Variants in TMPRSS11A observed in about 807,000 individuals in gnomAD.
The protein encoded by TMPRSS11A is transmembrane protease serine 11A.
Under a neutral mutation model 58.9 loss-of-function variants are expected in TMPRSS11A, and 53 were observed. The ratio of observed to expected loss-of-function variants is 0.90; its 90% CI spans 0.72 to 1.13. The LOEUF (loss-of-function observed/expected upper bound fraction) is 1.13, where lower values mean the gene tolerates loss of function less well. TMPRSS11A is among the 50% of genes most tolerant of loss of function. The probability of loss-of-function intolerance (pLI) is 0.00; values close to 1 mark genes in which losing one functional copy is unlikely to be tolerated. For synonymous variants in TMPRSS11A, 167 were observed against 169.8 expected, an observed-to-expected ratio of 0.98 and a Z score of 0.13; for missense variants, 493 against 499.3, an observed-to-expected ratio of 0.99 and a Z score of 0.12.
chr4:67,943,502 G>A (rs1382143985), intron 3 of TMPRSS11A, among the ~76,000 whole-genome samples: 1 of 152,120 alleles, frequency 6.6e-6, no homozygotes, highest in Non-Finnish European at 1.5e-5. Flanking sequence ...GAGTAGAGAA[G>A]GTATTTGGGT....
intron 3 of TMPRSS11A, 74 bp from the exon 4 acceptor site, chr4:67,932,134 T>A: frequency 1.2e-6 from 1 of 852,942 alleles, no homozygotes; most frequent in Non-Finnish European, 1.8e-6. Context: ...GATTAAATGT[T>A]AAAGCAATCA....
At chr4:67,949,355 G>T (rs1721101429) in intron 1 of TMPRSS11A, among the ~76,000 whole-genome samples, 1 of 152,164 alleles carries the variant, frequency 6.6e-6, no homozygotes, top group South Asian at 2.1e-4. Context: ...GAGCATCTGA[G>T]GGAAAATGGT....
rs531482712 is a variant in TMPRSS11A, at chr4:67,914,644, T to C, written c.1039A>G (p.Ile347Val). 1.8e-5 allele frequency: 29 copies of C among 1,613,730 alleles called. No homozygotes were observed. The highest frequency in any genetic ancestry group is 3.3e-4 in the Middle Eastern group (2 of 6,058). Residue 347 changes from isoleucine (I) to valine (V), a missense_variant, in exon 9 of 10, where the codon ATA (isoleucine) becomes GTA (valine). By Grantham distance (29) the Ile-to-Val change is conservative. Coordinates refer to ENST00000508048, the MANE Select transcript of TMPRSS11A (RefSeq NM_001114387.2). ...CCGGCACAGAACATTCCAGGTTTTA[T>C]ATCATTGCCATACACCTGTGGTTGC... Reference protein sequence around the residue: ...CKQPQVYGNDIKPGMFCAGYM... With the variant: ...CKQPQVYGNDVKPGMFCAGYM...
At chr4:67,936,142 T>G (rs1052200418) in intron 3 of TMPRSS11A, among the ~76,000 whole-genome samples, 4 of 152,120 alleles carry the variant, frequency 2.6e-5, no homozygotes, top group African/African-American at 7.2e-5. Flanking sequence ...AGGATGAGCA[T>G]GCAGGTAGGT....
At chr4:67,952,959 T>G (rs1721199380) in intron 1 of TMPRSS11A, among the ~76,000 whole-genome samples, 2 of 152,168 alleles carry the variant, frequency 1.3e-5, no homozygotes. Context: ...GGACTGGTTT[T>G]GTGGAAGACA....
At chr4:67,927,701 C>T (rs917623459) in intron 5 of TMPRSS11A, among the ~76,000 whole-genome samples, 3 of 152,190 alleles carry the variant, frequency 2.0e-5, no homozygotes, top group African/African-American at 2.4e-5. Flanking sequence ...AGCAACACCC[C>T]CTAGGCTCCC....
At chr4:67,917,638 A>C (rs899872549) in intron 8 of TMPRSS11A, among the ~76,000 whole-genome samples, 1 of 152,226 alleles carries the variant, frequency 6.6e-6, no homozygotes, top group South Asian at 2.1e-4. Flanking sequence ...TCACTCACCA[A>C]GAGAGGCCGT....
intron 1 of TMPRSS11A, among the ~76,000 whole-genome samples, chr4:67,948,316 G>A (rs1394427101): frequency 2.6e-5 from 4 of 151,608 alleles, no homozygotes; most frequent in East Asian, 1.9e-4. Flanking sequence ...CCACCACCAC[G>A]CCCGGCTAAT....
chr4:67,925,139 G>C (rs1043011754), intron 5 of TMPRSS11A, among the ~76,000 whole-genome samples: 3 of 152,018 alleles, frequency 2.0e-5, no homozygotes, highest in Non-Finnish European at 2.9e-5. Context: ...CTGAATAGTG[G>C]TAAAAGCTAG....
chr4:67,950,750 G>A (rs2109766668), intron 1 of TMPRSS11A, among the ~76,000 whole-genome samples: 1 of 152,242 alleles, frequency 6.6e-6, no homozygotes, highest in East Asian at 1.9e-4. Flanking sequence ...ACTATTCGAT[G>A]AGAAGGGAAT....
rs193013773 is a variant in TMPRSS11A at position 67,949,440 on chromosome 4, C to T, written c.12-2869G>A. On this transcript the variant is annotated intron_variant, in intron 1 of 9. Transcript: ENST00000508048. The stretch of plus-strand genomic sequence containing the variant: ...AAACATTTAGATAATATAGCAGATG[C>T]GCACTGCCAGATTACAAAAGCTACA... 1.8e-4 allele frequency among the ~76,000 whole-genome samples: 28 copies of T among 152,284 alleles called. No individual in the cohort carries two copies. The South Asian group carries it at 4.6e-3, about 25-fold the overall frequency.
In TMPRSS11A at chr4:67,963,450, A is replaced by G; in HGVS notation, c.-57T>C. The G allele has an allele frequency of 6.3e-7, 1 of 1,582,878 alleles. No homozygotes were observed. Among genetic ancestry groups the G allele is most frequent in the Non-Finnish European group, 8.7e-7 (1 of 1,154,366 alleles). On this transcript the variant is annotated 5_prime_UTR_variant, in exon 1 of 10. Coordinates refer to ENST00000508048, the MANE Select transcript of TMPRSS11A (RefSeq NM_001114387.2). Reference sequence around the variant, plus strand: ...TGCACCCACTGAACTCAACTTTCTAATCAACTATATGACATCTCTAGATGT... The same window carrying G: ...TGCACCCACTGAACTCAACTTTCTAGTCAACTATATGACATCTCTAGATGT...
Position 67,918,450 on chromosome 4 carries a change from G to C in TMPRSS11A, c.952+523C>G, listed in dbSNP as rs76034319. On this transcript the variant is annotated intron_variant, in intron 8 of 9. Coordinates refer to ENST00000508048, the MANE Select transcript of TMPRSS11A (RefSeq NM_001114387.2). ...TACTGAAGCAAATTTTGCTACATAG[G>C]CATAAAGAATATTTGAGTTAGCCAC... Among the ~76,000 whole-genome samples, 1,514 of 152,224 alleles carry C rather than the reference G, an allele frequency of 9.9e-3. 25 individuals carry two copies. The highest frequency in any genetic ancestry group is 0.034 in the African/African-American group (1,425 of 41,522).
intron 1 of TMPRSS11A, among the ~76,000 whole-genome samples, chr4:67,962,577 C>CT (rs1721459814): frequency 6.6e-6 from 1 of 152,158 alleles, no homozygotes; most frequent in African/African-American, 2.4e-5. Context: ...ACTTGTTCTA[C>CT]TTAGCCACAA....
intron 5 of TMPRSS11A, among the ~76,000 whole-genome samples, chr4:67,927,255 C>A (rs1230070367): frequency 1.3e-5 from 2 of 152,208 alleles, no homozygotes; most frequent in Non-Finnish European, 2.9e-5. Context: ...AGAAAAGCTG[C>A]AGCCCTTTAG....
In TMPRSS11A at chr4:67,910,238, T is replaced by C. The variant is rs2109727808; in HGVS notation, c.*1104A>G. ...AAGAGAAAACATACTATATGTTATA[T>C]GTTATAGCCCCATGTGTTATATGCA... On this transcript the variant is annotated 3_prime_UTR_variant, in exon 10 of 10. Coordinates refer to ENST00000508048, the MANE Select transcript of TMPRSS11A (RefSeq NM_001114387.2). The C allele has an allele frequency of 6.6e-6, 1 of 152,212 alleles. No homozygotes were observed. Among genetic ancestry groups the C allele is most frequent in the Middle Eastern group, 3.4e-3 (1 of 294 alleles). The allele number at this position is 152,212 out of a possible 1,614,324, so 9.4% of individuals were successfully genotyped here. A position where few individuals can be genotyped will look rare whatever the true frequency, so the allele number is the denominator to read the frequency against.
At chr4:67,928,106 G>A (rs79765239) in intron 5 of TMPRSS11A, among the ~76,000 whole-genome samples, 1 of 152,036 alleles carries the variant, frequency 6.6e-6, no homozygotes, top group African/African-American at 2.4e-5. Flanking sequence ...GTGCAGTGGC[G>A]CGATCTTGGC....
Position 67,922,813 on chromosome 4 carries a change from A to G in TMPRSS11A, c.634T>C (p.Cys212Arg). 1 of 1,614,152 alleles carries G rather than the reference A, an allele frequency of 6.2e-7. No homozygotes were observed. The highest frequency in any genetic ancestry group is 1.7e-5 in the Admixed American group (1 of 60,016). The change falls in exon 7 of 10, where the codon TGT becomes CGT. Residue 212 changes from cysteine (C) to arginine (R), a missense_variant. Cys to Arg is a radical substitution (Grantham distance 180). Coordinates refer to ENST00000508048, the MANE Select transcript of TMPRSS11A (RefSeq NM_001114387.2). ...ASLQYDNIHQ[C>R]GATLISNTWL... The stretch of plus-strand genomic sequence containing the variant: ...GTGTTACTAATCAAGGTGGCCCCAC[A>G]CTGATGGATGTTATCATACTGAAGG...
chr4:67,934,508 C>T (rs1720704129), intron 3 of TMPRSS11A, among the ~76,000 whole-genome samples: 1 of 152,154 alleles, frequency 6.6e-6, no homozygotes, highest in African/African-American at 2.4e-5. Flanking sequence ...ATCTATACAA[C>T]CTAATAGCAT....
Sources: allele counts gnomAD v4.1 joint callset (sites outside exome capture counted in the v4.1 genomes callset), GRCh38; gene constraint gnomAD v4.1.1; transcripts MANE v1.5; gene names NCBI Gene and HGNC (gene_info 2026-07-23, HGNC 2026-07-21).